SUMF1: variants seen among roughly 807,000 people sequenced by gnomAD.
The protein encoded by SUMF1 is sulfatase modifying factor 1, also known as formylglycine-generating enzyme.
In SUMF1, 48 loss-of-function variants were observed where a neutral mutation model predicts 47.6. The ratio of observed to expected loss-of-function variants is 1.01; its 90% CI spans 0.80 to 1.28. The LOEUF (loss-of-function observed/expected upper bound fraction) is 1.28, where lower values mean the gene tolerates loss of function less well. SUMF1 is among the 50% of genes most tolerant of loss of function. The pLI is 0.00. For synonymous variants in SUMF1, 230 were observed against 192.1 expected, an observed-to-expected ratio of 1.20 and a Z score of -1.63; for missense variants, 571 against 485.4, an observed-to-expected ratio of 1.18 and a Z score of -1.66.
rs879429942 is a variant in SUMF1, at chr3:4,258,062, C to G, written c.1014+118268G>C. Among the ~76,000 whole-genome samples, 852 of 149,992 alleles carry G rather than the reference C, an allele frequency of 5.7e-3. 6 individuals are homozygous for G. The highest frequency in any genetic ancestry group is 0.02 in the African/African-American group (815 of 40,318). On this transcript the variant is annotated intron_variant and NMD_transcript_variant, in intron 8 of 12. Transcript: ENST00000448413. The stretch of plus-strand genomic sequence containing the variant: ...GCTGGGAAAACTGGCTAGCCATATG[C>G]AGAAAGCTGAAACTGGATCCCTTCC...
At chr3:4,157,566 G>T (rs772694604) in intron 8 of SUMF1, among the ~76,000 whole-genome samples, 1 of 151,424 alleles carries the variant, frequency 6.6e-6, no homozygotes, top group African/African-American at 2.4e-5. Flanking sequence ...CACTGGAAGG[G>T]CAAGAGTTGA....
chr3:4,466,865 G>A, intron 1 of SUMF1, 111 bp downstream of exon 1: 3 of 1,464,306 alleles, frequency 2.0e-6, no homozygotes, highest in Non-Finnish European at 2.8e-6. Flanking sequence ...CTCGATTTGG[G>A]GTGTGGTTAT....
At chr3:4,072,244 C>G (rs1203827154) in intron 8 of SUMF1, among the ~76,000 whole-genome samples, 1 of 152,140 alleles carries the variant, frequency 6.6e-6, no homozygotes, top group Non-Finnish European at 1.5e-5. Context: ...AGGGGCCTGA[C>G]TGTTAGAAGG....
intron 8 of SUMF1, among the ~76,000 whole-genome samples, chr3:4,270,909 C>T (rs1364780905): frequency 6.6e-6 from 1 of 152,086 alleles, no homozygotes; most frequent in African/African-American, 2.4e-5. Flanking sequence ...AAAGTGAAAC[C>T]AAATCATGTA....
intron 8 of SUMF1, among the ~76,000 whole-genome samples, chr3:4,128,560 C>A (rs1693712753): frequency 6.6e-6 from 1 of 152,120 alleles, no homozygotes; most frequent in Non-Finnish European, 1.5e-5. Context: ...GTACATTCTC[C>A]TCAGGAGCCA....
chr3:4,109,149 G>A lies in SUMF1; in HGVS notation c.1015-40404C>T, dbSNP rs536386372. 7.2e-5 allele frequency among the ~76,000 whole-genome samples: 11 copies of A among 152,110 alleles called. No homozygotes were observed. The South Asian group carries it at 2.3e-3, about 32-fold the overall frequency. On this transcript the variant is annotated intron_variant and NMD_transcript_variant, in intron 8 of 12. Coordinates refer to the SUMF1 transcript ENST00000448413. ...TGACAAAATCTCTCAGCATTTGCTT[G>A]TCTGTAAAGGATTTTATTTCTCCTT...
At chr3:4,323,152 A>G (rs1304236900) in intron 8 of SUMF1, among the ~76,000 whole-genome samples, 1 of 152,228 alleles carries the variant, frequency 6.6e-6, no homozygotes, top group Non-Finnish European at 1.5e-5. Flanking sequence ...AACAACATGT[A>G]GTATCCATGC....
chr3:4,338,315 T>C (rs1174885756), intron 8 of SUMF1, among the ~76,000 whole-genome samples: 1 of 152,042 alleles, frequency 6.6e-6, no homozygotes, highest in Non-Finnish European at 1.5e-5. Context: ...TAAAGTAATA[T>C]TTACTATCGT....
chr3:4,195,194 T>C (rs1465483370), intron 8 of SUMF1, among the ~76,000 whole-genome samples: 3 of 152,130 alleles, frequency 2.0e-5, no homozygotes, highest in African/African-American at 7.2e-5. Flanking sequence ...ACATATCATA[T>C]TTTGTCTTCC....
At chr3:4,260,493 C>T (rs1404272223) in intron 8 of SUMF1, among the ~76,000 whole-genome samples, 3 of 152,118 alleles carry the variant, frequency 2.0e-5, no homozygotes, top group African/African-American at 7.2e-5. Flanking sequence ...CCTAATTTGG[C>T]CTGTTGGTTA....
chr3:4,066,001 T>C (rs1453575833), intron 9 of SUMF1, among the ~76,000 whole-genome samples: 2 of 152,066 alleles, frequency 1.3e-5, no homozygotes, highest in African/African-American at 4.8e-5. Context: ...TCCTGCTCCA[T>C]TGTCTAAACA....
chr3:4,112,311 T>G (rs1409590174), intron 8 of SUMF1, among the ~76,000 whole-genome samples: 1 of 152,176 alleles, frequency 6.6e-6, no homozygotes, highest in Non-Finnish European at 1.5e-5. Context: ...TTTATACACA[T>G]GCCAATGCTG....
At chr3:4,250,001 T>A (rs576265196) in intron 8 of SUMF1, among the ~76,000 whole-genome samples, 4 of 151,966 alleles carry the variant, frequency 2.6e-5, no homozygotes, top group Non-Finnish European at 5.9e-5. Context: ...CTGGCCAACA[T>A]AGTAAAATGC....
At chr3:4,059,037 A>C (rs1474634287) in intron 9 of SUMF1, among the ~76,000 whole-genome samples, 1 of 152,306 alleles carries the variant, frequency 6.6e-6, no homozygotes, top group African/African-American at 2.4e-5. Context: ...CAGCAGAGAA[A>C]AGAGGGCATT....
Position 4,361,993 on chromosome 3 carries a change from T to C in SUMF1, c.*151A>G. Reference sequence around the variant, plus strand: ...GCACTGACCCAGGTCAGCAATTTGGTCTCACAAGGCGGTTCCTTTGGCCAT... The same window carrying C: ...GCACTGACCCAGGTCAGCAATTTGGCCTCACAAGGCGGTTCCTTTGGCCAT... On this transcript the variant is annotated 3_prime_UTR_variant, in exon 9 of 9. Coordinates refer to ENST00000272902, the MANE Select transcript of SUMF1 (RefSeq NM_182760.4). 2 of 681,954 alleles carry C rather than the reference T, an allele frequency of 2.9e-6. No individual in the cohort carries two copies. The highest frequency in any genetic ancestry group is 5.2e-6 in the Non-Finnish European group (2 of 385,560). The allele number at this position is 681,954 out of a possible 1,614,324, so 42.2% of individuals were successfully genotyped here.
At chr3:4,425,477 C>G (rs1702039274) in intron 3 of SUMF1, among the ~76,000 whole-genome samples, 1 of 152,156 alleles carries the variant, frequency 6.6e-6, no homozygotes, top group African/African-American at 2.4e-5. Flanking sequence ...TAGTGAAAAT[C>G]TACCCCCATA....
At chr3:4,146,500 G>T (rs531209489) in intron 8 of SUMF1, among the ~76,000 whole-genome samples, 1 of 151,806 alleles carries the variant, frequency 6.6e-6, no homozygotes, top group East Asian at 1.9e-4. Flanking sequence ...ACAAAAAGTC[G>T]GTAGTTATAG....
intron 8 of SUMF1, among the ~76,000 whole-genome samples, chr3:4,102,221 AATC>A (rs1693050173): frequency 1.3e-5 from 2 of 152,138 alleles, no homozygotes; most frequent in South Asian, 4.1e-4. Flanking sequence ...AATGTCATTA[AATC>A]TATACAAAGA....
At position 4,217,514 on chromosome 3, in the gene SUMF1, T is replaced by TATATATA. The variant is rs1553610066; in HGVS notation, c.1015-148770_1015-148769insTATATAT. Among the ~76,000 whole-genome samples, 48 of 45,196 alleles carry TATATATA rather than the reference T, an allele frequency of 1.1e-3. 10 individuals are homozygous for TATATATA. Among genetic ancestry groups the TATATATA allele is most frequent in the African/African-American group, 2.9e-3 (28 of 9,638 alleles). 29.7% of individuals were successfully genotyped at this position (45,196 alleles called of 152,430 possible). On this transcript the variant is annotated intron_variant and NMD_transcript_variant, in intron 8 of 12. Transcript: ENST00000448413. ...TGTATCCCAGAACTTAAAGTATTTT[T>TATATATA]TATATATATATATATATATATATAT...
Sources: gnomAD v4.1 joint callset for allele counts (sites outside exome capture counted in the v4.1 genomes callset) on GRCh38, gnomAD v4.1.1 for gene constraint, MANE v1.5 for transcripts, NCBI Gene and HGNC (gene_info 2026-07-23, HGNC 2026-07-21) for gene names.